Variants in ROBO2 observed in about 807,000 individuals in gnomAD.
The protein encoded by ROBO2 is roundabout guidance receptor 2.
Under a neutral mutation model 160.8 loss-of-function variants are expected in ROBO2, and 53 were observed. That is an observed-to-expected ratio of 0.33 (90% confidence interval 0.26 to 0.41). The LOEUF (loss-of-function observed/expected upper bound fraction) is 0.41, where lower values mean the gene tolerates loss of function less well. Among genes scored for constraint, ROBO2 ranks in the 10% least tolerant of loss-of-function variants. The probability of loss-of-function intolerance (pLI) is 1.00; values close to 1 mark genes in which losing one functional copy is unlikely to be tolerated. For missense variants in ROBO2, 1,577 were observed against 1,722.4 expected (o/e 0.92, Z 1.49); for synonymous variants, 664 against 611.7 (o/e 1.09, Z -1.26).
intron 2 of ROBO2, among the ~76,000 whole-genome samples, chr3:76,429,646 A>G (rs1018150632): frequency 1.3e-5 from 2 of 152,180 alleles, no homozygotes; most frequent in Non-Finnish European, 2.9e-5. Flanking sequence ...TCTTGGTCCA[A>G]TTTAAATTTA....
At chr3:76,358,187 GACTGTGTAAGAGTCCCCTT>G (rs1189978725) in intron 2 of ROBO2, among the ~76,000 whole-genome samples, 2 of 151,928 alleles carry the variant, frequency 1.3e-5, no homozygotes, top group Non-Finnish European at 2.9e-5. Context: ...TGTCTGCCAT[GACTGTGTAAGAGTCCCCTT>G]ACTTGGGGTT....
intron 2 of ROBO2, among the ~76,000 whole-genome samples, chr3:76,970,596 A>C: frequency 6.6e-6 from 1 of 152,156 alleles, no homozygotes; most frequent in Non-Finnish European, 1.5e-5. Context: ...GGGACAGAAG[A>C]GTCTTTCCAG....
chr3:77,497,455 G>T (rs182235248), intron 5 of ROBO2, among the ~76,000 whole-genome samples: 23 of 152,188 alleles, frequency 1.5e-4, no homozygotes, highest in Admixed American at 1.1e-3. Context: ...CATTTGTAAT[G>T]CTCATTGCAA....
intron 2 of ROBO2, among the ~76,000 whole-genome samples, chr3:77,380,541 T>G (rs1172155469): frequency 2.0e-5 from 3 of 152,172 alleles, no homozygotes; most frequent in Non-Finnish European, 4.4e-5. Flanking sequence ...AAGACGGGAT[T>G]TTTTTTAGAA....
chr3:77,527,468 C>T, intron 6 of ROBO2, 54 bp downstream of exon 7: 1 of 1,175,892 alleles, frequency 8.5e-7, no homozygotes, highest in East Asian at 5.8e-5. Flanking sequence ...TGCTTCATAA[C>T]TCATGCATAG....
At chr3:75,976,793 G>A (rs1201391239) in intron 2 of ROBO2, among the ~76,000 whole-genome samples, 1 of 151,388 alleles carries the variant, frequency 6.6e-6, no homozygotes, top group African/African-American at 2.4e-5. Flanking sequence ...AGACTCGGAG[G>A]AAATAAAAGG....
At chr3:76,098,105 T>C (rs1381486889) in intron 2 of ROBO2, among the ~76,000 whole-genome samples, 1 of 152,170 alleles carries the variant, frequency 6.6e-6, no homozygotes, top group Non-Finnish European at 1.5e-5. Flanking sequence ...TCCTTCAGTG[T>C]CATCATGTAG....
At chr3:76,798,245 GAAGAAAGAAAGAAGGAAAGAAAGAAAGA>G in intron 2 of ROBO2, among the ~76,000 whole-genome samples, 3 of 50,314 alleles carry the variant, frequency 6.0e-5, no homozygotes, top group Middle Eastern at 0.023. Context: ...AAGAAAAAAA[GAAGAAAGAAAGAAGGAAAGAAAGAAAGA>G]AAGAAAGAAA....
intron 2 of ROBO2, among the ~76,000 whole-genome samples, chr3:77,124,234 A>G (rs1021594384): frequency 1.8e-4 from 27 of 152,160 alleles, no homozygotes; most frequent in Non-Finnish European, 2.8e-4. Flanking sequence ...AGAGGAGGTG[A>G]TGAAGCCTCC....
intron 2 of ROBO2, among the ~76,000 whole-genome samples, chr3:76,904,805 AT>A (rs2075480172): frequency 6.6e-6 from 1 of 152,206 alleles, no homozygotes; most frequent in Non-Finnish European, 1.5e-5. Flanking sequence ...TTCCCAAAAC[AT>A]AAAGCTCTTA....
chr3:76,121,389 C>T (rs766269539), intron 2 of ROBO2, among the ~76,000 whole-genome samples: 1 of 152,092 alleles, frequency 6.6e-6, no homozygotes, highest in Non-Finnish European at 1.5e-5. Context: ...CTGTGTGATT[C>T]ATTTCCAAAT....
intron 2 of ROBO2, among the ~76,000 whole-genome samples, chr3:76,273,120 A>ATATATATATATATATAT (rs1707689323): frequency 6.2e-5 from 2 of 32,354 alleles, no homozygotes; most frequent in Admixed American, 2.8e-4. Context: ...CACACATATA[A>ATATATATATATATATAT]ATATATATAT....
At chr3:77,307,231 G>T (rs886079306) in intron 2 of ROBO2, among the ~76,000 whole-genome samples, 1 of 152,194 alleles carries the variant, frequency 6.6e-6, no homozygotes. Context: ...TGGCAAACTG[G>T]TGAGTTGTCT....
chr3:76,234,137 G>A lies in ROBO2; in HGVS notation c.109+296535G>A, dbSNP rs1001823021. Among the ~76,000 whole-genome samples the A allele has an allele frequency of 3.3e-5, 5 of 152,292 alleles. No homozygotes were observed. The East Asian group carries it at 9.6e-4, about 29-fold the overall frequency. On this transcript the variant is annotated intron_variant, in intron 2 of 26. Coordinates refer to the ROBO2 transcript ENST00000487694. Reference sequence around the variant, plus strand: ...GGCCTCCAGCTCCATCTATGTTGCTGCAAAAGACATGAATTCATTCTCTTC... The same window carrying A: ...GGCCTCCAGCTCCATCTATGTTGCTACAAAAGACATGAATTCATTCTCTTC...
At chr3:77,192,255 A>T (rs753461852) in intron 2 of ROBO2, among the ~76,000 whole-genome samples, 1 of 152,248 alleles carries the variant, frequency 6.6e-6, no homozygotes, top group East Asian at 1.9e-4. Context: ...TGTATGTTTT[A>T]ATATGCTGAA....
intron 2 of ROBO2, among the ~76,000 whole-genome samples, chr3:76,366,832 A>G (rs533221322): frequency 3.3e-5 from 5 of 152,136 alleles, no homozygotes; most frequent in South Asian, 2.1e-4. Flanking sequence ...AATAATTAAT[A>G]AAAGGGCAAT....
intron 2 of ROBO2, among the ~76,000 whole-genome samples, chr3:76,801,188 A>G (rs1245886825): frequency 6.6e-6 from 1 of 152,224 alleles, no homozygotes; most frequent in East Asian, 1.9e-4. Context: ...TTATAACTGT[A>G]GGAGCTAAAA....
At chr3:76,720,519 CA>C (rs1048422107) in intron 2 of ROBO2, among the ~76,000 whole-genome samples, 3 of 151,926 alleles carry the variant, frequency 2.0e-5, no homozygotes, top group Non-Finnish European at 4.4e-5. Context: ...ACAAAAACAA[CA>C]AAAAAAGAGA....
chr3:75,965,099 T>A (rs1949056209), intron 2 of ROBO2: 1 of 151,744 alleles, frequency 6.6e-6, no homozygotes, highest in South Asian at 2.1e-4. Context: ...TACACTTACC[T>A]CATCAGCACT....
Sources: gnomAD v4.1 joint callset for allele counts (sites outside exome capture counted in the v4.1 genomes callset) on GRCh38, gnomAD v4.1.1 for gene constraint, MANE v1.5 for transcripts, NCBI Gene and HGNC (gene_info 2026-07-23, HGNC 2026-07-21) for gene names.